Variants in MTO1 observed in about 807,000 individuals in gnomAD.
The protein encoded by MTO1 is 5-taurinomethyluridine-[tRNA] synthase subunit MTO1, mitochondrial.
MTO1 carries 46 observed loss-of-function variants against 71.6 expected under a neutral mutation model. The observed-to-expected ratio is 0.64, with a 90% CI of 0.51 to 0.82. The LOEUF is 0.82. Ranked by LOEUF, MTO1 falls within the 40% of genes least tolerant of loss-of-function variation. The pLI, the probability that MTO1 is intolerant of heterozygous loss-of-function variation, is 0.00. For missense variants in MTO1, 773 were observed against 867.5 expected (o/e 0.89, Z 1.37); for synonymous variants, 297 against 312.1 (o/e 0.95, Z 0.51).
intron 9 of MTO1, among the ~76,000 whole-genome samples, chr6:73,490,739 T>C (rs759158856): frequency 4.7e-5 from 7 of 148,856 alleles, no homozygotes; most frequent in Non-Finnish European, 8.9e-5. Flanking sequence ...AAAAAAGCCA[T>C]GGCAATAACC....
At chr6:73,488,228 C>T (rs1411140036) in intron 9 of MTO1, among the ~76,000 whole-genome samples, 1 of 151,916 alleles carries the variant, frequency 6.6e-6, no homozygotes, top group African/African-American at 2.4e-5. Context: ...GGGTGGAGTG[C>T]AGTGGTACAA....
At chr6:73,478,619 A>G (rs1421892942) in intron 4 of MTO1, among the ~76,000 whole-genome samples, 1 of 151,984 alleles carries the variant, frequency 6.6e-6, no homozygotes, top group Non-Finnish European at 1.5e-5. Context: ...GCCCACTGCA[A>G]CCTCCACCCC....
chr6:73,497,695 T>C (rs143435731), intron 10 of MTO1, 41 bp from the exon 11 acceptor site: 4 of 1,576,320 alleles, frequency 2.5e-6, no homozygotes, highest in African/African-American at 2.7e-5. Context: ...TAGTATAATA[T>C]AATCTGGGTA....
In MTO1 at chr6:73,473,589, A is replaced by G; in HGVS notation, c.760A>G (p.Asn254Asp). The G allele has an allele frequency of 1.2e-6, 2 of 1,614,060 alleles. No homozygotes were observed. Among genetic ancestry groups the G allele is most frequent in the Middle Eastern group, 3.3e-4 (2 of 6,062 alleles). Residue 254 changes from asparagine to aspartate, a missense_variant, in exon 4 of 12, where the codon AAC becomes GAC. By Grantham distance (23) the Asn-to-Asp change is conservative (BLOSUM62 1). Coordinates refer to ENST00000498286, the MANE Select transcript of MTO1 (RefSeq NM_012123.4). Reference sequence around the variant, plus strand: ...AGAGTCCATTAATTTCAGTATTCTAAACAAGCATATACCGGACAATCCATC... The same window carrying G: ...AGAGTCCATTAATTTCAGTATTCTAGACAAGCATATACCGGACAATCCATC... Reference protein sequence around the residue: ...AKESINFSILNKHIPDNPSIP... With the variant: ...AKESINFSILDKHIPDNPSIP...
chr6:73,463,529 G>A (rs1248105316), intron 1 of MTO1, among the ~76,000 whole-genome samples: 2 of 151,878 alleles, frequency 1.3e-5, no homozygotes, highest in African/African-American at 2.4e-5. Context: ...GCTTAGGAGC[G>A]AGCAGTAATT....
At position 73,486,487 on chromosome 6, in the gene MTO1, C is replaced by G. The variant is rs139970198; in HGVS notation, c.1637+3867C>G. 1,856 of 353,852 alleles carry G rather than the reference C, an allele frequency of 5.2e-3. 27 individuals are homozygous for G. Among genetic ancestry groups the G allele is most frequent in the African/African-American group, 0.037 (1,706 of 46,596 alleles). The allele number at this position is 353,852 out of a possible 1,614,324, so 21.9% of individuals were successfully genotyped here. ...GCACGGTGGCTCACGCCTGTAATCC[C>G]AGCACTTTAGGAAGCCGAGGCAGGC... On this transcript the variant is annotated intron_variant, in intron 9 of 11. Coordinates refer to ENST00000498286, the MANE Select transcript of MTO1 (RefSeq NM_012123.4).
intron 9 of MTO1, among the ~76,000 whole-genome samples, chr6:73,485,912 A>T (rs1771639400): frequency 6.6e-6 from 1 of 152,148 alleles, no homozygotes; most frequent in Admixed American, 6.6e-5. Flanking sequence ...ACACAAATGC[A>T]TGTACATGTG....
chr6:73,482,800 T>A (rs1771545853), intron 9 of MTO1, among the ~76,000 whole-genome samples, 180 bp downstream of exon 9: 1 of 141,628 alleles, frequency 7.1e-6, no homozygotes, highest in African/African-American at 2.6e-5. Context: ...TTTTTTTTTT[T>A]TTTTTTTTTT....
At position 73,500,612 on chromosome 6, in the gene MTO1, C is replaced by T. The variant is rs777048417; in HGVS notation, c.1956C>T (p.Ala652=). The T allele has an allele frequency of 1.3e-5, 21 of 1,613,730 alleles. 1 individual carries two copies. The highest frequency in any genetic ancestry group is 1.6e-4 in the Middle Eastern group (1 of 6,084). ...GTCGCATACCCGGAGTAACACCTGCCGCCATCATCAATCTGCTGAGATTTG... is the reference window on the plus strand; with the variant it reads ...GTCGCATACCCGGAGTAACACCTGCTGCCATCATCAATCTGCTGAGATTTG... ...AASRIPGVTP[A]AIINLLRFVK... Residue 652 remains alanine (A), a synonymous_variant, in exon 12 of 12, where the codon GCC becomes GCT. Coordinates refer to ENST00000498286, the MANE Select transcript of MTO1 (RefSeq NM_012123.4).
At position 73,462,037 on chromosome 6, in the gene MTO1, G is replaced by T. The variant is rs1582666277; in HGVS notation, c.183G>T (p.Arg61=). 1.9e-6 allele frequency: 3 copies of T among 1,613,984 alleles called. No individual in the cohort carries two copies. ...AATAAARCGS[R]TLLLTHRVDT... is the part of the protein sequence containing the mutation. ...CCGCCGCCGCTCGGTGCGGCTCTCG[G>T]ACTCTGCTCCTCACTCACCGCGTGG... The change falls in exon 1 of 12, where the codon CGG becomes CGT. Residue 61 remains arginine, a synonymous_variant. Transcript: ENST00000498286.
chr6:73,473,291 G>GATAGATAC (rs1172759484), intron 3 of MTO1, 74 bp from the exon 4 acceptor site: 49 of 1,389,904 alleles, frequency 3.5e-5, no homozygotes, highest in Non-Finnish European at 4.7e-5. Flanking sequence ...TAGATAGATA[G>GATAGATAC]ATAGATAGAT....
chr6:73,478,686 C>T (rs1243366822), intron 4 of MTO1, among the ~76,000 whole-genome samples: 2 of 151,910 alleles, frequency 1.3e-5, no homozygotes, highest in East Asian at 3.9e-4. Flanking sequence ...TTACAGGCAC[C>T]TGCCACCATG....
rs1464475844 is a variant in MTO1, at chr6:73,495,103, C to T, written c.1757-2633C>T. 2.6e-5 allele frequency among the ~76,000 whole-genome samples: 4 copies of T among 151,970 alleles called. 1 individual carries two copies. The highest frequency in any genetic ancestry group is 9.7e-5 in the African/African-American group (4 of 41,396). On this transcript the variant is annotated intron_variant, in intron 10 of 11. Transcript: ENST00000498286. Reference sequence around the variant, plus strand: ...CCAGCCAGCATTTTTTTCAGTCCCACAAAGGCCTATCACCTTGCAATGCTT... The same window carrying T: ...CCAGCCAGCATTTTTTTCAGTCCCATAAAGGCCTATCACCTTGCAATGCTT...
At chr6:73,481,215 A>C (rs1430257993) in intron 7 of MTO1, 1 of 199,954 alleles carries the variant, frequency 5.0e-6, no homozygotes, top group Non-Finnish European at 1.0e-5. Context: ...TGGCTTCCCA[A>C]AGTGCTGGGA....
chr6:73,472,377 C>T lies in MTO1; in HGVS notation c.536-988C>T, dbSNP rs993370787. ...GGAGAAGAAATGAGAGGTTGTATGCCATATTTATCCTGAAGTCTAAAATTA... is the reference window on the plus strand; with the variant it reads ...GGAGAAGAAATGAGAGGTTGTATGCTATATTTATCCTGAAGTCTAAAATTA... On this transcript the variant is annotated intron_variant, in intron 3 of 11. Transcript: ENST00000498286. Among the ~76,000 whole-genome samples the T allele has an allele frequency of 8.5e-5, 13 of 152,060 alleles. No individual in the cohort carries two copies. The East Asian group carries it at 2.5e-3, about 29-fold the overall frequency.
At chr6:73,469,431 C>T (rs904458621) in intron 3 of MTO1, among the ~76,000 whole-genome samples, 5 of 151,610 alleles carry the variant, frequency 3.3e-5, no homozygotes, top group Admixed American at 6.6e-5. Context: ...TGAGACTAGC[C>T]TGGCCAACAT....
At chr6:73,474,098 C>CTT (rs60499845) in intron 4 of MTO1, among the ~76,000 whole-genome samples, 9 of 144,478 alleles carry the variant, frequency 6.2e-5, no homozygotes, top group African/African-American at 2.0e-4. Flanking sequence ...AGAAGTTATC[C>CTT]TTTTTTTTTT....
At chr6:73,474,611 G>T (rs1771256063) in intron 4 of MTO1, among the ~76,000 whole-genome samples, 1 of 151,250 alleles carries the variant, frequency 6.6e-6, no homozygotes, top group South Asian at 2.1e-4. Flanking sequence ...ATCATGCCTG[G>T]CTAATTTTTA....
intron 3 of MTO1, among the ~76,000 whole-genome samples, chr6:73,471,280 G>T (rs1771156246): frequency 6.7e-6 from 1 of 150,138 alleles, no homozygotes. Flanking sequence ...AATATAATAT[G>T]CTCACTGACT....
Sources: allele counts gnomAD v4.1 joint callset (sites outside exome capture counted in the v4.1 genomes callset), GRCh38; gene constraint gnomAD v4.1.1; transcripts MANE v1.5; gene names NCBI Gene and HGNC (gene_info 2026-07-23, HGNC 2026-07-21).